Variants in ADCY8 observed in about 807,000 individuals in gnomAD.
The protein encoded by ADCY8 is adenylate cyclase type 8.
A neutral mutation model predicts 119.7 loss-of-function variants in ADCY8; 51 were observed. The observed-to-expected ratio is 0.43, with a 90% confidence interval of 0.34 to 0.54. ADCY8 has a LOEUF of 0.54. Ranked by LOEUF, ADCY8 falls within the 20% of genes least tolerant of loss-of-function variation. The pLI, the probability that ADCY8 is intolerant of heterozygous loss-of-function variation, is 0.03. For missense variants in ADCY8, 1,383 were observed against 1,598.8 expected (o/e 0.87, Z 2.30); for synonymous variants, 665 against 651.0 (o/e 1.02, Z -0.33).
intron 2 of ADCY8, among the ~76,000 whole-genome samples, chr8:130,983,501 G>T (rs973063886): frequency 6.6e-6 from 1 of 152,140 alleles, no homozygotes; most frequent in South Asian, 2.1e-4. Context: ...GATAGGGAAC[G>T]ACCAGCAAGA....
chr8:130,810,595 A>G (rs192728537), intron 14 of ADCY8, among the ~76,000 whole-genome samples: 53 of 152,214 alleles, frequency 3.5e-4, no homozygotes, highest in Admixed American at 7.8e-4. Context: ...ATGAAAGATA[A>G]TTTTCTCAAT....
chr8:130,902,857 T>G lies in ADCY8; in HGVS notation c.1911+915A>C, dbSNP rs569089049. On this transcript the variant is annotated intron_variant, in intron 7 of 17. Coordinates refer to ENST00000286355, the MANE Select transcript of ADCY8 (RefSeq NM_001115.3). Reference sequence around the variant, plus strand: ...CTGTCAGATAACTGTCAGATAAGTGTTATATATTGGCTATTTTTATTTCTT... The same window carrying G: ...CTGTCAGATAACTGTCAGATAAGTGGTATATATTGGCTATTTTTATTTCTT... Among the ~76,000 whole-genome samples the G allele has an allele frequency of 1.3e-4, 20 of 152,148 alleles. No homozygotes were observed. The South Asian group carries it at 1.7e-3, about 13-fold the overall frequency.
At chr8:130,784,557 T>A (rs1165246705) in intron 16 of ADCY8, among the ~76,000 whole-genome samples, 1 of 152,224 alleles carries the variant, frequency 6.6e-6, no homozygotes, top group Non-Finnish European at 1.5e-5. Flanking sequence ...ATGGTCTTTG[T>A]TGTGACACTC....
intron 1 of ADCY8, among the ~76,000 whole-genome samples, chr8:131,017,531 T>C (rs1212160208): frequency 6.6e-6 from 1 of 152,206 alleles, no homozygotes; most frequent in East Asian, 1.9e-4. Flanking sequence ...CTCTTTATGG[T>C]ATGGGATGGG....
intron 15 of ADCY8, among the ~76,000 whole-genome samples, chr8:130,787,034 T>G (rs1163273224): frequency 2.6e-5 from 4 of 151,972 alleles, no homozygotes; most frequent in African/African-American, 9.7e-5. Flanking sequence ...TTGGCCACAG[T>G]GTGGTAAGCC....
chr8:130,891,333 C>T (rs1015841886), intron 7 of ADCY8, among the ~76,000 whole-genome samples: 13 of 152,054 alleles, frequency 8.5e-5, no homozygotes, highest in South Asian at 2.1e-4. Context: ...CACATTACAG[C>T]GATTCTTTCT....
rs369901977 is a variant in ADCY8 at position 130,922,869 on chromosome 8, CTG to C, written c.1482-13005_1482-13004del. Among the ~76,000 whole-genome samples, 566 of 152,288 alleles carry C rather than the reference CTG, an allele frequency of 3.7e-3. 6 individuals carry two copies. Among genetic ancestry groups the C allele is most frequent in the African/African-American group, 0.012 (511 of 41,562 alleles). ...GAGCCTTTGCTATGTCACTTACAAG[CTG>C]TGTGTCATTGGTCAGAAGATGTTTT... is the stretch of plus-strand genomic sequence containing the variant. On this transcript the variant is annotated intron_variant, in intron 5 of 17. Transcript: ENST00000286355.
At chr8:130,976,363 G>A (rs7461448) in intron 2 of ADCY8, among the ~76,000 whole-genome samples, 37,864 of 152,126 alleles carry the variant, frequency 0.25, 6,666 homozygotes, top group African/African-American at 0.5. Flanking sequence ...CATTATTGTA[G>A]GTGTCGGAAG....
At chr8:130,959,016 T>C (rs1398857281) in intron 2 of ADCY8, among the ~76,000 whole-genome samples, 2 of 152,216 alleles carry the variant, frequency 1.3e-5, no homozygotes, top group Non-Finnish European at 2.9e-5. Flanking sequence ...TGTTGTAGGA[T>C]TTCTGTAATT....
rs190000645 is a variant in ADCY8 at position 130,943,548 on chromosome 8, A to C, written c.1242-86T>G. 888 of 790,824 alleles carry C rather than the reference A, an allele frequency of 1.1e-3. 7 individuals are homozygous for C. In the African/African-American group the frequency reaches 0.013, roughly 12 times the overall value. The allele number at this position is 790,824 out of a possible 1,614,324, so 49.0% of individuals were successfully genotyped here. On this transcript the variant is annotated intron_variant, in intron 3 of 17. Coordinates refer to ENST00000286355, the MANE Select transcript of ADCY8 (RefSeq NM_001115.3). ...TTGGGATACACATCAACACCATCCC[A>C]GCAGATAAACTGTCTTTGTGGTCTG...
At chr8:130,934,907 T>C (rs1234315887) in intron 5 of ADCY8, among the ~76,000 whole-genome samples, 1 of 152,228 alleles carries the variant, frequency 6.6e-6, no homozygotes, top group Admixed American at 6.5e-5. Flanking sequence ...ATCCCACTTG[T>C]ACATCTCCCG....
At chr8:130,815,930 G>A (rs946959184) in intron 13 of ADCY8, among the ~76,000 whole-genome samples, 5 of 152,216 alleles carry the variant, frequency 3.3e-5, no homozygotes, top group Non-Finnish European at 7.3e-5. Flanking sequence ...CCTCTCATGA[G>A]AAGGTGCACA....
At chr8:131,025,448 C>A (rs116548204) in intron 1 of ADCY8, among the ~76,000 whole-genome samples, 130 of 152,162 alleles carry the variant, frequency 8.5e-4, no homozygotes, top group Middle Eastern at 3.4e-3. Flanking sequence ...AGGGAAACAG[C>A]AATACTGATG....
intron 15 of ADCY8, among the ~76,000 whole-genome samples, chr8:130,794,388 G>T (rs1815516749): frequency 2.0e-5 from 3 of 152,120 alleles, no homozygotes; most frequent in Non-Finnish European, 4.4e-5. Context: ...AGGATTATAG[G>T]CACCCACCAG....
At chr8:130,816,959 C>G (rs1395229045) in intron 13 of ADCY8, among the ~76,000 whole-genome samples, 1 of 152,100 alleles carries the variant, frequency 6.6e-6, no homozygotes, top group Admixed American at 6.5e-5. Context: ...AATAACCAAG[C>G]AGACAAACCA....
intron 2 of ADCY8, among the ~76,000 whole-genome samples, chr8:130,978,994 C>A (rs1237341671): frequency 6.6e-6 from 1 of 152,056 alleles, no homozygotes; most frequent in Non-Finnish European, 1.5e-5. Flanking sequence ...CTGAAGCCTG[C>A]TTAGAAATAG....
At chr8:130,843,478 A>G (rs263258) in intron 11 of ADCY8, among the ~76,000 whole-genome samples, 32,246 of 152,150 alleles carry the variant, frequency 0.21, 4,275 homozygotes, top group South Asian at 0.43. Flanking sequence ...CAGGGAGTCC[A>G]CCTTGGTTTC....
intron 1 of ADCY8, among the ~76,000 whole-genome samples, chr8:131,031,747 T>C (rs1446862474): frequency 6.6e-6 from 1 of 152,170 alleles, no homozygotes; most frequent in Non-Finnish European, 1.5e-5. Flanking sequence ...TTGGAATTCC[T>C]GGTCTCCAAA....
At chr8:130,846,275 A>G (rs1388018822) in intron 11 of ADCY8, among the ~76,000 whole-genome samples, 4 of 152,052 alleles carry the variant, frequency 2.6e-5, no homozygotes, top group Non-Finnish European at 4.4e-5. Context: ...CAGAATGTCT[A>G]CCCTAATATG....
Sources: gnomAD v4.1 joint callset for allele counts (sites outside exome capture counted in the v4.1 genomes callset) on GRCh38, gnomAD v4.1.1 for gene constraint, MANE v1.5 for transcripts, NCBI Gene and HGNC (gene_info 2026-07-23, HGNC 2026-07-21) for gene names.